Variants in UBAC2 observed in about 807,000 individuals in gnomAD.
UBAC2 encodes the protein ubiquitin-associated domain-containing protein 2.
In UBAC2, 26 loss-of-function variants were observed where a neutral mutation model predicts 44.0. The observed-to-expected ratio is 0.59, with a 90% CI of 0.43 to 0.82. The LOEUF is 0.82. UBAC2 is among the 40% of genes least tolerant of loss of function. The pLI, the probability that UBAC2 is intolerant of heterozygous loss-of-function variation, is 0.00. For missense variants in UBAC2, 329 were observed against 419.4 expected (o/e 0.78, Z 1.88); for synonymous variants, 155 against 154.3 (o/e 1.00, Z -0.04).
At chr13:99,237,823 C>T (rs1262777200) in intron 1 of UBAC2, among the ~76,000 whole-genome samples, 1 of 152,074 alleles carries the variant, frequency 6.6e-6, no homozygotes, top group Non-Finnish European at 1.5e-5. Context: ...GGCATGGTGG[C>T]ACGTGCCTGT....
chr13:99,314,262 C>CTTTTTTTTTTTTTTTTTTTTTTTTTTTTT (rs57005833), intron 5 of UBAC2, 42 bp downstream of exon 5: 1 of 1,062,084 alleles, frequency 9.4e-7, no homozygotes, highest in Non-Finnish European at 1.2e-6. Flanking sequence ...TTAACCAGAT[C>CTTTTTTTTTTTTTTTTTTTTTTTTTTTTT]TTTTTTTTTT....
chr13:99,368,728 C>T (rs868746187), intron 8 of UBAC2, among the ~76,000 whole-genome samples: 1,137 of 91,124 alleles, frequency 0.012, 12 homozygotes, highest in African/African-American at 0.033. Context: ...TGTGTGTGTA[C>T]ACATACCCTC....
chr13:99,347,280 G>A (rs2044999061), intron 7 of UBAC2, among the ~76,000 whole-genome samples: 1 of 139,748 alleles, frequency 7.2e-6, no homozygotes, highest in Non-Finnish European at 1.5e-5. Flanking sequence ...GGAAGAGTAG[G>A]TGTTTCAGGA....
intron 8 of UBAC2, chr13:99,376,788 A>AT (rs944954576): frequency 6.6e-6 from 1 of 152,210 alleles, no homozygotes; most frequent in African/African-American, 2.4e-5. Flanking sequence ...TGTGGTGAGG[A>AT]TTTTTAGGCA....
At chr13:99,201,295 G>A (rs1566442839) in intron 1 of UBAC2, 1 of 1,465,340 alleles carries the variant, frequency 6.8e-7, no homozygotes, top group Non-Finnish European at 9.0e-7. Context: ...GAAGGAAGGG[G>A]CCGTCCCCCT....
chr13:99,256,919 G>A (rs1307054939), intron 4 of UBAC2, among the ~76,000 whole-genome samples: 1 of 152,184 alleles, frequency 6.6e-6, no homozygotes, highest in Non-Finnish European at 1.5e-5. Flanking sequence ...ATGTCACTTT[G>A]CAGAGTGGGC....
chr13:99,369,390 T>C (rs1025481239), intron 8 of UBAC2, among the ~76,000 whole-genome samples: 1 of 152,212 alleles, frequency 6.6e-6, no homozygotes, highest in African/African-American at 2.4e-5. Context: ...CGAGACTCTT[T>C]TGCGATGCTG....
At chr13:99,367,293 AT>A (rs2045344262) in intron 7 of UBAC2, among the ~76,000 whole-genome samples, 1 of 152,172 alleles carries the variant, frequency 6.6e-6, no homozygotes, top group African/African-American at 2.4e-5. Flanking sequence ...TGCGCTCAGG[AT>A]TTACTTCAGT....
At chr13:99,288,405 C>A (rs2044047954) in intron 4 of UBAC2, among the ~76,000 whole-genome samples, 1 of 152,160 alleles carries the variant, frequency 6.6e-6, no homozygotes, top group Non-Finnish European at 1.5e-5. Context: ...ACACAGTTAG[C>A]ATGCAGATAG....
At chr13:99,332,447 G>A (rs566372027) in intron 6 of UBAC2, among the ~76,000 whole-genome samples, 1 of 152,324 alleles carries the variant, frequency 6.6e-6, no homozygotes, top group East Asian at 1.9e-4. Context: ...TGGACTAAGA[G>A]AAAATCATTT....
chr13:99,226,253 TAGTC>T (rs1427539463), intron 1 of UBAC2, among the ~76,000 whole-genome samples: 5 of 152,156 alleles, frequency 3.3e-5, no homozygotes, highest in East Asian at 1.9e-4. Flanking sequence ...TCAGTAAACT[TAGTC>T]AGGGCCATCT....
At chr13:99,209,829 T>G (rs2042917186) in intron 1 of UBAC2, among the ~76,000 whole-genome samples, 1 of 151,986 alleles carries the variant, frequency 6.6e-6, no homozygotes, top group Non-Finnish European at 1.5e-5. Context: ...CAAAATTAAC[T>G]GGGCGTGGTG....
chr13:99,208,503 G>T (rs147487984), intron 1 of UBAC2, among the ~76,000 whole-genome samples: 58 of 152,360 alleles, frequency 3.8e-4, no homozygotes, highest in African/African-American at 1.3e-3. Flanking sequence ...GGTGATAGAA[G>T]TCTTGAAATG....
intron 7 of UBAC2, among the ~76,000 whole-genome samples, chr13:99,364,690 A>G (rs1260506748): frequency 6.6e-6 from 1 of 152,186 alleles, no homozygotes; most frequent in Non-Finnish European, 1.5e-5. Context: ...AGAAAAGTAC[A>G]TGCTATATAA....
At chr13:99,252,290 G>A (rs1285173851) in intron 4 of UBAC2, among the ~76,000 whole-genome samples, 1 of 152,208 alleles carries the variant, frequency 6.6e-6, no homozygotes, top group Non-Finnish European at 1.5e-5. Context: ...CGTTGTCATG[G>A]TCTGTGCCTT....
At chr13:99,349,832 T>A (rs1439811945) in intron 7 of UBAC2, among the ~76,000 whole-genome samples, 2 of 152,156 alleles carry the variant, frequency 1.3e-5, no homozygotes, top group Non-Finnish European at 2.9e-5. Flanking sequence ...GGTTTAGGAC[T>A]TCGGATGACT....
At chr13:99,261,250 A>C (rs2043657032) in intron 4 of UBAC2, among the ~76,000 whole-genome samples, 2 of 152,226 alleles carry the variant, frequency 1.3e-5, no homozygotes, top group Non-Finnish European at 2.9e-5. Flanking sequence ...GGTGTGAGGC[A>C]GACAAAGAGT....
chr13:99,316,251 G>C (rs1490841655), intron 5 of UBAC2, among the ~76,000 whole-genome samples: 1 of 151,904 alleles, frequency 6.6e-6, no homozygotes, highest in Non-Finnish European at 1.5e-5. Flanking sequence ...TTGACTGTCT[G>C]GTGTCAACTC....
intron 7 of UBAC2, among the ~76,000 whole-genome samples, chr13:99,346,526 C>G (rs1385260866): frequency 6.6e-6 from 1 of 152,258 alleles, no homozygotes; most frequent in Non-Finnish European, 1.5e-5. Flanking sequence ...TCACAGTTAA[C>G]TGCTGCTCAT....
Sources: gnomAD v4.1 joint callset for allele counts (sites outside exome capture counted in the v4.1 genomes callset) on GRCh38, gnomAD v4.1.1 for gene constraint, MANE v1.5 for transcripts, NCBI Gene and HGNC (gene_info 2026-07-23, HGNC 2026-07-21) for gene names.